DCC: variants seen among roughly 807,000 people sequenced by gnomAD.
DCC encodes the protein netrin receptor DCC.
DCC carries 58 observed loss-of-function variants against 172.5 expected under a neutral mutation model. The ratio of observed to expected loss-of-function variants is 0.34; its 90% CI spans 0.27 to 0.42. The LOEUF is 0.42. Ranked by LOEUF, DCC falls within the 10% of genes least tolerant of loss-of-function variation. The probability of loss-of-function intolerance (pLI) is 1.00; values close to 1 mark genes in which losing one functional copy is unlikely to be tolerated. For synonymous variants in DCC, 709 were observed against 644.5 expected (o/e 1.10, Z -1.52); for missense variants, 1,740 against 1,791.0 (o/e 0.97, Z 0.51).
chr18:53,472,605 A>G (rs1039378105), intron 25 of DCC, among the ~76,000 whole-genome samples: 5 of 152,114 alleles, frequency 3.3e-5, no homozygotes, highest in Admixed American at 6.6e-5. Context: ...CCCATATGCC[A>G]TTGCTTTTTC....
intron 12 of DCC, among the ~76,000 whole-genome samples, chr18:53,262,949 G>T (rs1027282233): frequency 3.3e-5 from 5 of 152,114 alleles, no homozygotes; most frequent in African/African-American, 1.2e-4. Flanking sequence ...ACAACTTTAA[G>T]AATACAATAA....
chr18:52,576,434 G>A (rs1459491712), intron 1 of DCC, among the ~76,000 whole-genome samples: 1 of 152,158 alleles, frequency 6.6e-6, no homozygotes, highest in East Asian at 1.9e-4. Flanking sequence ...CACCTCGGCG[G>A]TCCATTCTGA....
At chr18:52,997,101 T>C (rs1216322156) in intron 5 of DCC, among the ~76,000 whole-genome samples, 2 of 152,116 alleles carry the variant, frequency 1.3e-5, no homozygotes, top group African/African-American at 4.8e-5. Flanking sequence ...AAGACATTAT[T>C]TGTTTTGCTG....
intron 7 of DCC, among the ~76,000 whole-genome samples, chr18:53,066,649 C>A (rs560840726): frequency 1.1e-4 from 17 of 151,494 alleles, no homozygotes; most frequent in African/African-American, 4.1e-4. Flanking sequence ...ACACACATAT[C>A]TATAAATATA....
At chr18:52,492,752 G>A (rs1390865651) in intron 1 of DCC, among the ~76,000 whole-genome samples, 1 of 152,060 alleles carries the variant, frequency 6.6e-6, no homozygotes, top group East Asian at 1.9e-4. Flanking sequence ...GAAATGTTCA[G>A]CTACTCAGGT....
chr18:53,179,139 C>A, intron 9 of DCC, 23 bp downstream of exon 9: 1 of 1,609,130 alleles, frequency 6.2e-7, no homozygotes, highest in Non-Finnish European at 8.5e-7. Flanking sequence ...AGGAACGGGC[C>A]ACATTTAAAA....
chr18:52,891,118 T>G (rs1394782955), intron 2 of DCC, among the ~76,000 whole-genome samples: 1 of 152,122 alleles, frequency 6.6e-6, no homozygotes, highest in African/African-American at 2.4e-5. Context: ...TTCAAATTAA[T>G]GCTCAAATTA....
intron 12 of DCC, among the ~76,000 whole-genome samples, chr18:53,243,018 G>T (rs1598940187): frequency 6.6e-6 from 1 of 152,056 alleles, no homozygotes; most frequent in Admixed American, 6.6e-5. Flanking sequence ...TATAAAAGTT[G>T]TCTGATTATG....
At chr18:52,579,344 A>G (rs1455119396) in intron 1 of DCC, among the ~76,000 whole-genome samples, 1 of 152,226 alleles carries the variant, frequency 6.6e-6, no homozygotes, top group African/African-American at 2.4e-5. Flanking sequence ...TTAGAAAGTT[A>G]CAGGGTATCA....
At chr18:53,233,760 G>A (rs907486655) in intron 12 of DCC, among the ~76,000 whole-genome samples, 28 of 152,208 alleles carry the variant, frequency 1.8e-4, no homozygotes, top group South Asian at 2.1e-4. Context: ...TTCAAGGCTC[G>A]AACCAAAAGT....
chr18:52,771,516 A>G (rs1221256366), intron 2 of DCC, among the ~76,000 whole-genome samples: 2 of 152,184 alleles, frequency 1.3e-5, no homozygotes, highest in African/African-American at 4.8e-5. Flanking sequence ...AACTTCCTCT[A>G]CATAGAAACA....
At chr18:53,201,534 T>A (rs961368945) in intron 9 of DCC, among the ~76,000 whole-genome samples, 1 of 152,214 alleles carries the variant, frequency 6.6e-6, no homozygotes, top group Non-Finnish European at 1.5e-5. Flanking sequence ...TCTTGAAATA[T>A]GTGCGTTGTC....
chr18:52,748,125 C>T (rs2145125761), intron 1 of DCC, among the ~76,000 whole-genome samples: 1 of 152,272 alleles, frequency 6.6e-6, no homozygotes, highest in East Asian at 1.9e-4. Context: ...GGAATCCAGC[C>T]ACCACCGCAC....
intron 12 of DCC, among the ~76,000 whole-genome samples, chr18:53,287,645 A>AT (rs1472739511): frequency 6.6e-6 from 1 of 152,006 alleles, no homozygotes; most frequent in Non-Finnish European, 1.5e-5. Flanking sequence ...TGAAGATTCC[A>AT]TTTTTTTCAC....
At chr18:53,041,469 T>A (rs1408848841) in intron 5 of DCC, among the ~76,000 whole-genome samples, 1 of 152,146 alleles carries the variant, frequency 6.6e-6, no homozygotes, top group Non-Finnish European at 1.5e-5. Flanking sequence ...GCTTTGTTCT[T>A]TTTTCTTAGG....
chr18:53,037,801 C>T (rs768901912), intron 5 of DCC, among the ~76,000 whole-genome samples: 1 of 147,280 alleles, frequency 6.8e-6, no homozygotes, highest in East Asian at 1.9e-4. Context: ...ACGAGACTCA[C>T]TTCTTCTGTA....
chr18:53,359,921 A>G (rs2057926415), intron 15 of DCC, among the ~76,000 whole-genome samples: 1 of 151,916 alleles, frequency 6.6e-6, no homozygotes, highest in Non-Finnish European at 1.5e-5. Flanking sequence ...GCATAATATC[A>G]TTTCCTGTAT....
intron 2 of DCC, among the ~76,000 whole-genome samples, chr18:52,899,082 G>T (rs984890838): frequency 3.9e-5 from 6 of 152,074 alleles, no homozygotes; most frequent in Admixed American, 1.3e-4. Flanking sequence ...CAAATGAAAG[G>T]ATTTATTAGT....
intron 7 of DCC, among the ~76,000 whole-genome samples, chr18:53,121,551 A>T (rs776181552): frequency 1.3e-5 from 2 of 151,920 alleles, no homozygotes; most frequent in African/African-American, 2.4e-5. Flanking sequence ...TCATGATTCT[A>T]CAGTCTCTGT....
Sources: gnomAD v4.1 joint callset for allele counts (sites outside exome capture counted in the v4.1 genomes callset) on GRCh38, gnomAD v4.1.1 for gene constraint, MANE v1.5 for transcripts, NCBI Gene and HGNC (gene_info 2026-07-23, HGNC 2026-07-21) for gene names.